The following FGD5 variants were observed in gnomAD, a reference collection of about 807,000 sequenced individuals.
The protein encoded by FGD5 is FYVE, RhoGEF and PH domain containing 5.
FGD5 carries 28 observed loss-of-function variants against 133.4 expected under a neutral mutation model. The ratio of observed to expected loss-of-function variants is 0.21; its 90% CI spans 0.16 to 0.29. The LOEUF is 0.29. Among genes scored for constraint, FGD5 ranks in the 10% least tolerant of loss-of-function variants. The pLI, the probability that FGD5 is intolerant of heterozygous loss-of-function variation, is 1.00. For missense variants in FGD5, 1,858 were observed against 1,895.2 expected (o/e 0.98, Z 0.36); for synonymous variants, 810 against 776.5 (o/e 1.04, Z -0.72).
chr3:14,901,165 A>G (rs779281474), intron 9 of FGD5, 104 bp downstream of exon 9: 62 of 1,278,318 alleles, frequency 4.9e-5, no homozygotes, highest in South Asian at 9.5e-5. Context: ...GCTGCAGGCA[A>G]CCGTCTCTCT....
At chr3:14,919,109 T>C (rs561673064) in intron 13 of FGD5, among the ~76,000 whole-genome samples, 74 of 152,306 alleles carry the variant, frequency 4.9e-4, no homozygotes, top group African/African-American at 1.4e-3. Flanking sequence ...GCAATAGCAA[T>C]GTCTCATGTT....
At chr3:14,834,385 G>A (rs915705434) in intron 1 of FGD5, among the ~76,000 whole-genome samples, 22 of 152,186 alleles carry the variant, frequency 1.4e-4, no homozygotes, top group African/African-American at 5.3e-4. Flanking sequence ...GCTACCTCAA[G>A]GAGTTATTGT....
Position 14,820,496 on chromosome 3 carries a change from G to A in FGD5, c.1425G>A (p.Arg475=). 1 of 1,613,994 alleles carries A rather than the reference G, an allele frequency of 6.2e-7. No homozygotes were observed. Among genetic ancestry groups the A allele is most frequent in the Non-Finnish European group, 8.5e-7 (1 of 1,179,886 alleles). ...EAEGGLVPAD[R]KNTSTRVRPH... The stretch of plus-strand genomic sequence containing the variant: ...AGGGTGGCCTGGTTCCCGCGGACAG[G>A]AAGAACACCAGCACGAGGGTCCGGC... The change falls in exon 1 of 20, where the codon AGG becomes AGA. Residue 475 remains arginine (R), a synonymous_variant. Coordinates refer to ENST00000285046, the MANE Select transcript of FGD5 (RefSeq NM_152536.4).
chr3:14,914,152 A>G (rs1271652874), intron 11 of FGD5, among the ~76,000 whole-genome samples: 2 of 152,264 alleles, frequency 1.3e-5, no homozygotes, highest in African/African-American at 2.4e-5. Flanking sequence ...GCGGCCCGAC[A>G]GGTGCTCAAG....
In FGD5 at chr3:14,933,903, C is replaced by G. The variant is rs1258741124; in HGVS notation, c.*736C>G. The G allele has an allele frequency of 6.6e-6, 1 of 152,142 alleles. No individual in the cohort carries two copies. The highest frequency in any genetic ancestry group is 1.5e-5 in the Non-Finnish European group (1 of 68,120). The allele number at this position is 152,142 out of a possible 1,614,324, so 9.4% of individuals were successfully genotyped here. A position where few individuals can be genotyped will look rare whatever the true frequency, so the allele number is the denominator to read the frequency against. On this transcript the variant is annotated 3_prime_UTR_variant, in exon 20 of 20. Transcript: ENST00000285046. ...TAACATAACTTATTAAAGGAGGGGT[C>G]CCTCCTCCCCCAGAGCAGTCCTCAA... is the stretch of plus-strand genomic sequence containing the variant.
intron 4 of FGD5, among the ~76,000 whole-genome samples, chr3:14,883,843 A>AAC (rs1332534308): frequency 1.3e-5 from 2 of 152,214 alleles, no homozygotes; most frequent in Non-Finnish European, 2.9e-5. Context: ...GGAGGGAAAG[A>AAC]CATATGCAGG....
chr3:14,919,587 C>T (rs976937374), intron 13 of FGD5, among the ~76,000 whole-genome samples: 8 of 152,188 alleles, frequency 5.3e-5, no homozygotes, highest in Non-Finnish European at 2.9e-5. Context: ...CACTGCACTC[C>T]AGCCTGGGCT....
rs10714568 is a variant in FGD5 at position 14,925,100 on chromosome 3, C to CA, written c.4069-942dup. 7.5e-3 allele frequency among the ~76,000 whole-genome samples: 542 copies of CA among 71,796 alleles called. 34 individuals carry two copies. Among genetic ancestry groups the CA allele is most frequent in the Non-Finnish European group, 0.011 (433 of 41,224 alleles). 47.1% of individuals were successfully genotyped at this position (71,796 alleles called of 152,430 possible). A position where few individuals can be genotyped will look rare whatever the true frequency, so the allele number is the denominator to read the frequency against. On this transcript the variant is annotated intron_variant, in intron 17 of 19. Coordinates refer to ENST00000285046, the MANE Select transcript of FGD5 (RefSeq NM_152536.4). ...CTGGCGACACAGCAAGACTCTGTCT[C>CA]AAAAAAAAAAAAAAAAAAAAAAAAA...
chr3:14,919,475 G>A (rs374358793), intron 13 of FGD5, among the ~76,000 whole-genome samples: 259 of 152,192 alleles, frequency 1.7e-3, no homozygotes, highest in African/African-American at 5.9e-3. Context: ...AAAATTAGCC[G>A]GGCGTGGTGG....
At chr3:14,837,046 C>A (rs189458055) in intron 1 of FGD5, among the ~76,000 whole-genome samples, 1 of 152,314 alleles carries the variant, frequency 6.6e-6, no homozygotes, top group East Asian at 1.9e-4. Flanking sequence ...AGTGACCAGA[C>A]TGCAGCAGGG....
chr3:14,866,837 G>C (rs776078561), intron 2 of FGD5, among the ~76,000 whole-genome samples: 2 of 152,158 alleles, frequency 1.3e-5, no homozygotes, highest in Admixed American at 6.5e-5. Flanking sequence ...CATGTGTCCT[G>C]TGGGGGCCAG....
intron 1 of FGD5, among the ~76,000 whole-genome samples, chr3:14,828,438 T>C (rs1007524273): frequency 1.3e-5 from 2 of 152,126 alleles, no homozygotes; most frequent in South Asian, 2.1e-4. Context: ...TTCTGGAAAA[T>C]AGGTCACATC....
In FGD5 at chr3:14,926,110, T is replaced by C; in HGVS notation, c.4109T>C (p.Leu1370Pro). ...GAGGGCTCTGCCATCAGTGGCTATC[T>C]CAGCCGGTGTAAGAGGGGCAAGCGG... ...SGEGSAISGY[L>P]SRCKRGKRHW... Residue 1370 changes from leucine (L) to proline (P), a missense_variant, in exon 18 of 20, where the codon CTC (leucine) becomes CCC (proline). Physicochemically the swap from Leu to Pro is moderately conservative, Grantham distance 98. Around this residue, in one of 3 missense-constraint regions of FGD5, gnomAD observed 1,824 missense variants for 1,848.9 expected, o/e 0.99. Transcript: ENST00000285046. 6.2e-7 allele frequency: 1 copy of C among 1,613,920 alleles called. No individual in the cohort carries two copies.
intron 1 of FGD5, among the ~76,000 whole-genome samples, chr3:14,831,875 G>C (rs73814190): frequency 0.043 from 6,603 of 152,224 alleles, 455 homozygotes; most frequent in African/African-American, 0.15. Context: ...CTTCTTGTTC[G>C]CCTGTGTAGT....
chr3:14,932,949 T>C (rs1022694165), intron 19 of FGD5, among the ~76,000 whole-genome samples, 182 bp from the exon 20 acceptor site: 3 of 152,216 alleles, frequency 2.0e-5, no homozygotes, highest in African/African-American at 7.2e-5. Flanking sequence ...CAGTAAGCTT[T>C]TGCCCTGTGT....
rs548127230 is a variant in FGD5, at chr3:14,897,494, C to A, written c.2749-15C>A. On this transcript the variant is annotated splice_polypyrimidine_tract_variant and intron_variant, in intron 4 of 19. Coordinates refer to ENST00000285046, the MANE Select transcript of FGD5 (RefSeq NM_152536.4). ...TCCTATCAACCTGTGGGTAACAGAC[C>A]TTTTGGTGTTTCAGGATTTCCATGG... 6.3e-7 allele frequency: 1 copy of A among 1,598,800 alleles called. No homozygotes were observed. Among genetic ancestry groups the A allele is most frequent in the South Asian group, 1.1e-5 (1 of 87,874 alleles).
intron 11 of FGD5, among the ~76,000 whole-genome samples, chr3:14,912,432 G>C (rs1025904794): frequency 6.6e-6 from 1 of 152,214 alleles, no homozygotes; most frequent in African/African-American, 2.4e-5. Flanking sequence ...TGGACCCCAG[G>C]GGGGATTTTG....
chr3:14,918,695 C>T (rs2038611071), intron 12 of FGD5, 59 bp from the exon 13 acceptor site: 1 of 1,542,750 alleles, frequency 6.5e-7, no homozygotes, highest in Non-Finnish European at 9.0e-7. Flanking sequence ...CCAGGAGAAG[C>T]CGGTCTACAC....
At chr3:14,864,289 C>T (rs1265974867) in intron 2 of FGD5, 29 bp downstream of exon 2, 1 of 1,613,524 alleles carries the variant, frequency 6.2e-7, no homozygotes, top group Admixed American at 1.7e-5. Context: ...AGGCCGTGGG[C>T]ATCGGAGACG....
Sources: allele counts gnomAD v4.1 joint callset (sites outside exome capture counted in the v4.1 genomes callset), GRCh38; gene constraint gnomAD v4.1.1; regional missense constraint gnomAD v4.1.1; transcripts MANE v1.5; gene names NCBI Gene and HGNC (gene_info 2026-07-23, HGNC 2026-07-21).